PLAUR: variants seen among roughly 807,000 people sequenced by gnomAD.
PLAUR encodes plasminogen activator, urokinase receptor.
PLAUR carries 22 observed loss-of-function variants against 33.4 expected under a neutral mutation model. The observed-to-expected ratio is 0.66, with a 90% CI of 0.47 to 0.94. The LOEUF (loss-of-function observed/expected upper bound fraction) is 0.94. PLAUR is among the 40% of genes least tolerant of loss of function. PLAUR has a pLI of 0.00. For synonymous variants in PLAUR, 148 were observed against 167.3 expected, an observed-to-expected ratio of 0.88 and a Z score of 0.89; for missense variants, 408 against 434.7, an observed-to-expected ratio of 0.94 and a Z score of 0.55.
chr19:43,656,422 G>T, intron 4 of PLAUR, 57 bp downstream of exon 4: 2 of 1,452,064 alleles, frequency 1.4e-6, no homozygotes, highest in Non-Finnish European at 1.9e-6. Context: ...TTTGTTAAGT[G>T]CAGTCTTAGG....
chr19:43,669,327 A>G (rs1157228124), intron 1 of PLAUR, among the ~76,000 whole-genome samples: 1 of 152,078 alleles, frequency 6.6e-6, no homozygotes. Flanking sequence ...AGAGGGGGAG[A>G]CCCAGCAGCG....
intron 1 of PLAUR, among the ~76,000 whole-genome samples, chr19:43,668,944 G>A (rs1665377941): frequency 6.6e-6 from 1 of 152,164 alleles, no homozygotes; most frequent in Admixed American, 6.5e-5. Flanking sequence ...CCCGCCCCAG[G>A]CTCCGCCCCG....
rs58333136 is a variant in PLAUR, at chr19:43,662,720, G to GT, written c.310+2595dup. ...CCTCTGCTGGAAAACCCTTTCCACT[G>GT]TTTTTTTTTTTTTTTGCAGGATCTC... On this transcript the variant is annotated intron_variant, in intron 3 of 6. Coordinates refer to ENST00000340093, the MANE Select transcript of PLAUR (RefSeq NM_002659.4). Among the ~76,000 whole-genome samples, 820 of 141,810 alleles carry GT rather than the reference G, an allele frequency of 5.8e-3. 5 individuals carry two copies. The highest frequency in any genetic ancestry group is 0.018 in the African/African-American group (678 of 38,354). 93.0% of individuals were successfully genotyped at this position (141,810 alleles called of 152,430 possible). A position where few individuals can be genotyped will look rare whatever the true frequency, so the allele number is the denominator to read the frequency against.
chr19:43,650,795 G>A (rs1047905759), intron 6 of PLAUR, among the ~76,000 whole-genome samples: 4 of 151,986 alleles, frequency 2.6e-5, no homozygotes, highest in African/African-American at 9.7e-5. Flanking sequence ...AGCACTTTGG[G>A]AGGCCGAGGC....
At chr19:43,656,378 G>A (rs1470233225) in intron 4 of PLAUR, 101 bp downstream of exon 4, 1 of 1,091,186 alleles carries the variant, frequency 9.2e-7, no homozygotes, top group Admixed American at 2.6e-5. Flanking sequence ...AGAGAACTTA[G>A]TCCCTTGCTG....
In PLAUR at chr19:43,658,546, C is replaced by T. The variant is rs113310118; in HGVS notation, c.311-1906G>A. The stretch of plus-strand genomic sequence containing the variant: ...TCACTTGACTGATTCCTGATCACTT[C>T]GCCTTTTGCACGAACCTTGTGGTGT... On this transcript the variant is annotated intron_variant, in intron 3 of 6. Transcript: ENST00000340093. Among the ~76,000 whole-genome samples, 793 of 152,336 alleles carry T rather than the reference C, an allele frequency of 5.2e-3. 5 individuals carry two copies. The highest frequency in any genetic ancestry group is 0.018 in the African/African-American group (743 of 41,576).
chr19:43,664,568 C>T lies in PLAUR; in HGVS notation c.310+748G>A, dbSNP rs768653141. Among the ~76,000 whole-genome samples the T allele has an allele frequency of 2.6e-5, 4 of 152,226 alleles. No homozygotes were observed. In the South Asian group the frequency reaches 8.3e-4, roughly 31 times the overall value. Reference sequence around the variant, plus strand: ...CAAGCGGTTCTCCCGCCTTGGTCTCCCAAAGTGCTTGGATTACAGGCATGA... The same window carrying T: ...CAAGCGGTTCTCCCGCCTTGGTCTCTCAAAGTGCTTGGATTACAGGCATGA... On this transcript the variant is annotated intron_variant, in intron 3 of 6. Coordinates refer to ENST00000340093, the MANE Select transcript of PLAUR (RefSeq NM_002659.4).
At chr19:43,670,026 A>G (rs552297751) in intron 1 of PLAUR, 40 bp downstream of exon 1, 21 of 1,603,482 alleles carry the variant, frequency 1.3e-5, no homozygotes, top group Middle Eastern at 3.3e-4. Context: ...CCTCAATTAG[A>G]CCCTGTTCCA....
intron 1 of PLAUR, among the ~76,000 whole-genome samples, chr19:43,668,555 T>C (rs2146295593): frequency 6.6e-6 from 1 of 150,756 alleles, no homozygotes; most frequent in African/African-American, 2.4e-5. Context: ...CAGTCCCTTC[T>C]TGAGGTTTCA....
At chr19:43,669,344 G>C (rs1967418328) in intron 1 of PLAUR, among the ~76,000 whole-genome samples, 1 of 152,016 alleles carries the variant, frequency 6.6e-6, no homozygotes, top group African/African-American at 2.4e-5. Context: ...AGCGTGGAGA[G>C]CGCTGGGGGG....
intron 2 of PLAUR, among the ~76,000 whole-genome samples, chr19:43,666,352 C>A (rs754833131): frequency 6.6e-6 from 1 of 152,126 alleles, no homozygotes; most frequent in Non-Finnish European, 1.5e-5. Flanking sequence ...AGCTCTATTT[C>A]CTTCTTTAAG....
Position 43,670,138 on chromosome 19 carries a change from T to C in PLAUR, c.-18A>G, listed in dbSNP as rs776464186. ...TGACCCATGTCGCGAGGGCAGCTCC[T>C]GTGCGCGGGGTCCCTGCACGTCTTC... On this transcript the variant is annotated 5_prime_UTR_variant, in exon 1 of 7. Transcript: ENST00000340093. 2.5e-6 allele frequency: 4 copies of C among 1,607,690 alleles called. No homozygotes were observed. The South Asian group carries it at 4.4e-5, about 18-fold the overall frequency.
chr19:43,667,757 C>T (rs1402990098), intron 1 of PLAUR, 66 bp from the exon 2 acceptor site: 1 of 1,571,752 alleles, frequency 6.4e-7, no homozygotes, highest in Non-Finnish European at 8.6e-7. Flanking sequence ...CCGCTCACCC[C>T]TGCATGTCCC....
At chr19:43,651,711 C>T in intron 6 of PLAUR, 1 of 701,936 alleles carries the variant, frequency 1.4e-6, no homozygotes, top group Non-Finnish European at 1.8e-6. Flanking sequence ...GTTGCAATTA[C>T]AGGCGTGAGC....
At chr19:43,646,272 T>G (rs144567706), downstream of PLAUR, 308 of 564,698 alleles carry the variant, frequency 5.5e-4, 1 homozygote, top group African/African-American at 5.3e-3. Flanking sequence ...ACACAATGTG[T>G]TAGTTTATAA....
chr19:43,648,118 G>A (rs1400422226), downstream of PLAUR, among the ~76,000 whole-genome samples: 1 of 151,956 alleles, frequency 6.6e-6, no homozygotes, highest in Non-Finnish European at 1.5e-5. Context: ...TTATCTTAGG[G>A]TTGGAATGTT....
chr19:43,655,462 G>A lies in PLAUR; in HGVS notation c.584C>T (p.Thr195Ile). Residue 195 changes from threonine (T) to isoleucine (I), a missense_variant, in exon 5 of 7, where the codon ACC (threonine) becomes ATC (isoleucine). Physicochemically the swap from Thr to Ile is moderately conservative, Grantham distance 89 (BLOSUM62 -1). Coordinates refer to ENST00000340093, the MANE Select transcript of PLAUR (RefSeq NM_002659.4). The part of the protein sequence containing the change: ...DTFHFLKCCN[T>I]TKCNEGPILE... ...ACTTGGGCCCTCGTTGCATTTGGTG[G>A]TGTTGCAGCATTTCAGGAAGTGGAA... is the stretch of plus-strand genomic sequence containing the variant. 1 of 1,614,176 alleles carries A rather than the reference G, an allele frequency of 6.2e-7. No homozygotes were observed. The highest frequency in any genetic ancestry group is 1.1e-5 in the South Asian group (1 of 91,074).
At chr19:43,663,700 G>C (rs1170450923) in intron 3 of PLAUR, among the ~76,000 whole-genome samples, 1 of 151,608 alleles carries the variant, frequency 6.6e-6, no homozygotes, top group African/African-American at 2.4e-5. Context: ...AGAATCGCTC[G>C]AGCCTAGGAG....
chr19:43,646,437 G>A (rs943750018), downstream of PLAUR: 3 of 717,772 alleles, frequency 4.2e-6, no homozygotes, highest in Non-Finnish European at 7.8e-6. Flanking sequence ...AACATCTGGG[G>A]CTCTATCTCC....
Sources: allele counts gnomAD v4.1 joint callset (sites outside exome capture counted in the v4.1 genomes callset), GRCh38; gene constraint gnomAD v4.1.1; transcripts MANE v1.5; gene names NCBI Gene and HGNC (gene_info 2026-07-23, HGNC 2026-07-21).